Variants in ZNF385D observed in about 807,000 individuals in gnomAD.
ZNF385D encodes the protein zinc finger protein 659.
ZNF385D carries 15 observed loss-of-function variants against 35.8 expected under a neutral mutation model. The observed-to-expected ratio is 0.42, with a 90% CI of 0.28 to 0.64. The LOEUF (loss-of-function observed/expected upper bound fraction) is 0.64. Among genes scored for constraint, ZNF385D ranks in the 30% least tolerant of loss-of-function variants. ZNF385D has a pLI of 0.23. For missense variants in ZNF385D, 474 were observed against 494.6 expected, an observed-to-expected ratio of 0.96 and a Z score of 0.39; for synonymous variants, 212 against 186.8, an observed-to-expected ratio of 1.13 and a Z score of -1.10.
At chr3:21,810,488 G>A (rs1419452149) in intron 3 of ZNF385D, among the ~76,000 whole-genome samples, 2 of 151,948 alleles carry the variant, frequency 1.3e-5, no homozygotes, top group African/African-American at 4.8e-5. Context: ...AAACCTGCAT[G>A]TTGTGCACAT....
intron 1 of ZNF385D, among the ~76,000 whole-genome samples, chr3:21,688,256 T>C (rs1358521966): frequency 6.6e-6 from 1 of 152,152 alleles, no homozygotes; most frequent in Non-Finnish European, 1.5e-5. Flanking sequence ...TTAAATATAC[T>C]TCTAAAACAT....
At chr3:21,437,928 C>T (rs1365176218) in intron 4 of ZNF385D, among the ~76,000 whole-genome samples, 1 of 152,044 alleles carries the variant, frequency 6.6e-6, no homozygotes, top group East Asian at 1.9e-4. Context: ...ACATCAATAG[C>T]CACTATTCAC....
intron 4 of ZNF385D, among the ~76,000 whole-genome samples, chr3:21,509,459 C>T (rs1396119380): frequency 2.0e-5 from 3 of 152,042 alleles, no homozygotes; most frequent in East Asian, 1.9e-4. Flanking sequence ...AGGTAGTCTT[C>T]GATTATTAGA....
intron 2 of ZNF385D, among the ~76,000 whole-genome samples, chr3:22,279,292 T>C (rs548182096): frequency 1.3e-5 from 2 of 152,006 alleles, no homozygotes; most frequent in East Asian, 2.0e-4. Context: ...TCAAAGTGAA[T>C]TGCATCATTC....
chr3:21,582,378 C>A (rs1374369772), intron 2 of ZNF385D, among the ~76,000 whole-genome samples: 1 of 152,190 alleles, frequency 6.6e-6, no homozygotes, highest in African/African-American at 2.4e-5. Flanking sequence ...AAAAGTATCT[C>A]CAACAGTTGA....
intron 3 of ZNF385D, among the ~76,000 whole-genome samples, chr3:21,824,730 A>C (rs1240080204): frequency 1.3e-5 from 2 of 152,132 alleles, no homozygotes; most frequent in Admixed American, 1.3e-4. Context: ...CTGGAGTTCC[A>C]GTATGAAAAA....
chr3:22,149,144 G>T (rs1208349012), intron 3 of ZNF385D, among the ~76,000 whole-genome samples: 1 of 152,090 alleles, frequency 6.6e-6, no homozygotes, highest in African/African-American at 2.4e-5. Context: ...ATCAGAATCT[G>T]CATTTTAGAC....
At chr3:21,801,172 T>A (rs2072382175) in intron 3 of ZNF385D, among the ~76,000 whole-genome samples, 2 of 152,180 alleles carry the variant, frequency 1.3e-5, no homozygotes, top group African/African-American at 4.8e-5. Context: ...CTGGAATAAA[T>A]CCTACTTGGT....
intron 4 of ZNF385D, among the ~76,000 whole-genome samples, chr3:21,477,173 A>G (rs1433664549): frequency 5.3e-5 from 8 of 152,148 alleles, no homozygotes; most frequent in Admixed American, 5.2e-4. Flanking sequence ...TGAGTTCAGG[A>G]GTTCAAAACC....
chr3:21,735,137 G>C (rs1230332756), intron 1 of ZNF385D, among the ~76,000 whole-genome samples: 2 of 152,120 alleles, frequency 1.3e-5, no homozygotes, highest in Non-Finnish European at 2.9e-5. Context: ...CAGGCTGGAG[G>C]TTTGAATTCA....
At chr3:22,032,696 G>C (rs1698075363) in intron 3 of ZNF385D, among the ~76,000 whole-genome samples, 1 of 152,204 alleles carries the variant, frequency 6.6e-6, no homozygotes, top group Non-Finnish European at 1.5e-5. Context: ...AAAGCAGGCA[G>C]TTAGGGAAAG....
At chr3:22,266,300 T>C (rs1700892468) in intron 2 of ZNF385D, among the ~76,000 whole-genome samples, 1 of 151,942 alleles carries the variant, frequency 6.6e-6, no homozygotes, top group African/African-American at 2.4e-5. Context: ...TATAGCAAGA[T>C]ACCTATGTTC....
At chr3:21,422,395 T>C (rs1700783815) in intron 7 of ZNF385D, among the ~76,000 whole-genome samples, 1 of 152,190 alleles carries the variant, frequency 6.6e-6, no homozygotes, top group Non-Finnish European at 1.5e-5. Flanking sequence ...AGGGTACATA[T>C]ACAGGTTTGT....
At chr3:22,323,057 C>T (rs1694515759) in intron 2 of ZNF385D, among the ~76,000 whole-genome samples, 1 of 152,104 alleles carries the variant, frequency 6.6e-6, no homozygotes, top group Non-Finnish European at 1.5e-5. Flanking sequence ...CCCCCACGGA[C>T]AGGAAATGCG....
At chr3:21,944,427 C>T (rs920694793) in intron 3 of ZNF385D, among the ~76,000 whole-genome samples, 3 of 152,136 alleles carry the variant, frequency 2.0e-5, no homozygotes, top group African/African-American at 7.2e-5. Flanking sequence ...TGTCCGAGCA[C>T]CAATATATTA....
rs375911302 is a variant in ZNF385D at position 22,370,327 on chromosome 3, A to G, written c.106+2123T>C. ...ACACATTGTTAAGACAAGGGCTATA[A>G]TGTAGCACTATTGATTTACAATAAC... On this transcript the variant is annotated intron_variant, in intron 2 of 5. Coordinates refer to the ZNF385D transcript ENST00000494108. Among the ~76,000 whole-genome samples the G allele has an allele frequency of 3.9e-5, 6 of 152,206 alleles. No homozygotes were observed. The South Asian group carries it at 1.2e-3, about 31-fold the overall frequency.
intron 3 of ZNF385D, among the ~76,000 whole-genome samples, chr3:21,785,389 T>C (rs1372215489): frequency 2.0e-5 from 3 of 152,192 alleles, no homozygotes; most frequent in Non-Finnish European, 2.9e-5. Flanking sequence ...TGTGTGTATA[T>C]ATATGTGTGT....
chr3:21,679,569 G>A (rs1030313775), intron 1 of ZNF385D, among the ~76,000 whole-genome samples: 1 of 151,974 alleles, frequency 6.6e-6, no homozygotes, highest in Non-Finnish European at 1.5e-5. Flanking sequence ...CCAGAGAGAA[G>A]AAATGAAAAT....
chr3:22,312,933 C>T (rs1313567906), intron 2 of ZNF385D, among the ~76,000 whole-genome samples: 3 of 134,876 alleles, frequency 2.2e-5, no homozygotes, highest in African/African-American at 9.1e-5. Context: ...AATCATGCTG[C>T]TATAAAGACA....
Sources: allele counts gnomAD v4.1 joint callset (sites outside exome capture counted in the v4.1 genomes callset), GRCh38; gene constraint gnomAD v4.1.1; transcripts MANE v1.5; gene names NCBI Gene and HGNC (gene_info 2026-07-23, HGNC 2026-07-21).